The following TUBGCP5 variants were observed in gnomAD, a reference collection of about 807,000 sequenced individuals.
The protein encoded by TUBGCP5 is gamma-tubulin complex component 5.
In TUBGCP5, 98 loss-of-function variants were observed where a neutral mutation model predicts 134.7. That is an observed-to-expected ratio of 0.73 (90% CI 0.62 to 0.86). The LOEUF is 0.86. Among genes scored for constraint, TUBGCP5 ranks in the 40% least tolerant of loss-of-function variants. TUBGCP5 has a pLI of 0.00. For missense variants in TUBGCP5, 1,150 were observed against 1,244.8 expected (o/e 0.92, Z 1.15); for synonymous variants, 456 against 431.4 (o/e 1.06, Z -0.71).
Position 23,024,290 on chromosome 15 carries a change from T to C in TUBGCP5, c.922-97A>G. The C allele has an allele frequency of 4.2e-6, 6 of 1,421,300 alleles. No homozygotes were observed. In the South Asian group the frequency reaches 8.3e-5, roughly 20 times the overall value. The allele number at this position is 1,421,300 out of a possible 1,614,324, so 88.0% of individuals were successfully genotyped here. ...TGTAAAATACTTCTTTTGCAATTGT[T>C]TTAAACAGTATGTTTAGTAGAAGAC... On this transcript the variant is annotated intron_variant, in intron 9 of 22. Coordinates refer to ENST00000615383, the MANE Select transcript of TUBGCP5 (RefSeq NM_052903.6).
At chr15:23,021,753 T>A (rs149160551) in intron 11 of TUBGCP5, among the ~76,000 whole-genome samples, 2,808 of 152,336 alleles carry the variant, frequency 0.018, 37 homozygotes, top group Non-Finnish European at 0.029. Context: ...CAGCTTGCCT[T>A]GTCCTTGCCT....
At chr15:23,020,207 G>C (rs1278932607) in intron 11 of TUBGCP5, among the ~76,000 whole-genome samples, 4 of 152,030 alleles carry the variant, frequency 2.6e-5, no homozygotes, top group Admixed American at 2.6e-4. Context: ...AGGAGCTCGA[G>C]ACCAGCCTGG....
chr15:23,035,329 T>TAAAAAAAAA (rs71117460), intron 3 of TUBGCP5, among the ~76,000 whole-genome samples: 1 of 134,606 alleles, frequency 7.4e-6, no homozygotes, highest in Admixed American at 7.4e-5. Context: ...CACTCAGTCT[T>TAAAAAAAAA]AAAAAAAAAA....
intron 5 of TUBGCP5, 108 bp from the exon 6 acceptor site, chr15:23,031,128 C>A (rs1404865089): frequency 8.3e-7 from 1 of 1,205,352 alleles, no homozygotes; most frequent in African/African-American, 1.5e-5. Flanking sequence ...TTTGAAGCAA[C>A]ATGGAACAGA....
chr15:23,032,406 T>C (rs1266891454), intron 4 of TUBGCP5, among the ~76,000 whole-genome samples: 1 of 152,198 alleles, frequency 6.6e-6, no homozygotes, highest in Non-Finnish European at 1.5e-5. Flanking sequence ...ATCTCTAGAT[T>C]ACTTATAATA....
At chr15:23,027,787 A>G (rs1241574273) in intron 6 of TUBGCP5, among the ~76,000 whole-genome samples, 1 of 151,770 alleles carries the variant, frequency 6.6e-6, no homozygotes, top group Non-Finnish European at 1.5e-5. Flanking sequence ...ACATATAGAA[A>G]CGCATACTAA....
At chr15:23,001,653 C>A (rs1302286349) in intron 21 of TUBGCP5, among the ~76,000 whole-genome samples, 1 of 142,684 alleles carries the variant, frequency 7.0e-6, no homozygotes, top group Non-Finnish European at 1.5e-5. Flanking sequence ...TTCTTTCTTT[C>A]TTTTTTTTTT....
intron 3 of TUBGCP5, among the ~76,000 whole-genome samples, chr15:23,034,837 AAAAC>A (rs1196895916): frequency 3.3e-5 from 5 of 151,970 alleles, no homozygotes; most frequent in Admixed American, 1.3e-4. Context: ...AAAAAACAAA[AAAAC>A]AAACAAACAA....
intron 15 of TUBGCP5, among the ~76,000 whole-genome samples, chr15:23,009,276 T>C (rs567180405): frequency 4.6e-5 from 7 of 151,858 alleles, no homozygotes; most frequent in Non-Finnish European, 1.0e-4. Context: ...TGCCATAATT[T>C]TTTTTTTTTT....
rs373904143 is a variant in TUBGCP5, at chr15:23,016,986, A to ATATATATATATATATATATG, written c.1756+786_1756+787insCATATATATATATATATATA. On this transcript the variant is annotated intron_variant, in intron 13 of 22. Transcript: ENST00000615383. The stretch of plus-strand genomic sequence containing the variant: ...AATTGTGAGATATATATATATATAT[A>ATATATATATATATATATATG]TGTATATATCTTGAAGATAAAAGAG... Among the ~76,000 whole-genome samples the ATATATATATATATATATATG allele has an allele frequency of 3.4e-4, 47 of 138,228 alleles. 2 individuals carry two copies. The highest frequency in any genetic ancestry group is 6.4e-4 in the East Asian group (3 of 4,718). The allele number at this position is 138,228 out of a possible 152,430, so 90.7% of individuals were successfully genotyped here.
chr15:23,011,069 AG>A, intron 14 of TUBGCP5, 63 bp downstream of exon 14: 1 of 1,530,118 alleles, frequency 6.5e-7, no homozygotes, highest in Admixed American at 1.7e-5. Context: ...AGAAATAAAC[AG>A]TTAGCAAACA....
At chr15:23,015,720 G>C (rs1272620137) in intron 13 of TUBGCP5, among the ~76,000 whole-genome samples, 1 of 152,160 alleles carries the variant, frequency 6.6e-6, no homozygotes, top group Admixed American at 6.5e-5. Context: ...CCCCCTCACT[G>C]TAGGCCACTG....
intron 13 of TUBGCP5, 90 bp from the exon 14 acceptor site, chr15:23,011,421 T>C (rs2065024965): frequency 5.7e-6 from 3 of 527,940 alleles, no homozygotes; most frequent in South Asian, 7.4e-5. Context: ...ATTAACAATA[T>C]ATTAAGTAAC....
intron 23 of TUBGCP5, chr15:22,983,677 TGTAGTG>T (rs1185127399): frequency 3.3e-5 from 5 of 152,110 alleles, no homozygotes; most frequent in African/African-American, 1.2e-4. Context: ...ATAGAACAAT[TGTAGTG>T]GTATACTATA....
In TUBGCP5 at chr15:23,004,206, C is replaced by T. The variant is rs1382457597; in HGVS notation, c.2734G>A (p.Glu912Lys). 6.2e-7 allele frequency: 1 copy of T among 1,613,488 alleles called. No homozygotes were observed. The change falls in exon 20 of 23, where the codon GAG becomes AAG. Residue 912 changes from glutamate (E) to lysine (K), a missense_variant. Physicochemically the swap from Glu to Lys is moderately conservative, Grantham distance 56 (BLOSUM62 1). Around this residue, in one of 2 missense-constraint regions of TUBGCP5, gnomAD observed 697 missense variants for 850.1 expected, o/e 0.82. Coordinates refer to ENST00000615383, the MANE Select transcript of TUBGCP5 (RefSeq NM_052903.6). ...GCTTCCTCGACTTGATGTTGAAACTCCAGCCCTGTACTGTGTAGAATCTTG... is the reference window on the plus strand; with the variant it reads ...GCTTCCTCGACTTGATGTTGAAACTTCAGCCCTGTACTGTGTAGAATCTTG... ...MTRILHSTGL[E>K]FQHQVEEAKD...
intron 23 of TUBGCP5, among the ~76,000 whole-genome samples, chr15:22,988,710 T>C: frequency 7.0e-6 from 1 of 142,912 alleles, no homozygotes; most frequent in African/African-American, 2.6e-5. Context: ...CACTCCAGCC[T>C]GGACGACAGA....
downstream of TUBGCP5, among the ~76,000 whole-genome samples, chr15:22,997,915 CT>C (rs61041986): frequency 0.074 from 10,566 of 143,362 alleles, 1,005 homozygotes; most frequent in African/African-American, 0.23. Flanking sequence ...TATGTGTGGC[CT>C]TTTTTTTTTT....
intron 3 of TUBGCP5, 133 bp downstream of exon 3, chr15:23,036,764 A>G: frequency 1.5e-6 from 1 of 685,268 alleles, no homozygotes; most frequent in Non-Finnish European, 2.5e-6. Flanking sequence ...TATTTAAGTA[A>G]ATTTCCAAGA....
chr15:23,022,203 A>G (rs780903697), intron 10 of TUBGCP5, 42 bp from the exon 11 acceptor site: 1 of 1,590,776 alleles, frequency 6.3e-7, no homozygotes, highest in African/African-American at 1.3e-5. Flanking sequence ...AAGGAAAAAT[A>G]CATGCATCTA....
Sources: gnomAD v4.1 joint callset for allele counts (sites outside exome capture counted in the v4.1 genomes callset) on GRCh38, gnomAD v4.1.1 for gene constraint, gnomAD v4.1.1 regional missense constraint, MANE v1.5 for transcripts, NCBI Gene and HGNC (gene_info 2026-07-23, HGNC 2026-07-21) for gene names.